Variants in SPATS2L observed in about 807,000 individuals in gnomAD.
SPATS2L encodes the protein spermatogenesis associated serine rich 2 like.
In SPATS2L, 30 loss-of-function variants were observed where a neutral mutation model predicts 59.6. That is an observed-to-expected ratio of 0.50 (90% CI 0.38 to 0.68). The LOEUF (loss-of-function observed/expected upper bound fraction) is 0.68. Among genes scored for constraint, SPATS2L ranks in the 30% least tolerant of loss-of-function variants. The probability of loss-of-function intolerance (pLI) is 0.00; values close to 1 mark genes in which losing one functional copy is unlikely to be tolerated. For missense variants in SPATS2L, 615 were observed against 700.0 expected (o/e 0.88, Z 1.37); for synonymous variants, 252 against 263.5 (o/e 0.96, Z 0.42).
chr2:200,351,712 A>ATT (rs3835863), intron 2 of SPATS2L, among the ~76,000 whole-genome samples: 3 of 151,426 alleles, frequency 2.0e-5, no homozygotes, highest in Non-Finnish European at 4.4e-5. Context: ...ATAGATTGAG[A>ATT]TTTTTTTTTG....
rs149281390 is a variant in SPATS2L at position 200,310,431 on chromosome 2, G to A, written c.-73+3509G>A. On this transcript the variant is annotated intron_variant, in intron 1 of 12. Transcript: ENST00000409140. ...TTTTCATTCTTCACTCTCCCTGATC[G>A]GATGGGAGGCCGTCAGCCATCACCG... is the stretch of plus-strand genomic sequence containing the variant. Among the ~76,000 whole-genome samples, 60 of 152,158 alleles carry A rather than the reference G, an allele frequency of 3.9e-4. No homozygotes were observed. The East Asian group carries it at 0.011, about 27-fold the overall frequency.
intron 1 of SPATS2L, among the ~76,000 whole-genome samples, chr2:200,313,718 G>A (rs2079269426): frequency 6.6e-6 from 1 of 152,130 alleles, no homozygotes; most frequent in Admixed American, 6.5e-5. Context: ...TTGAAGTACA[G>A]GTCCTCGTAC....
chr2:200,431,485 AACT>A lies in SPATS2L; in HGVS notation c.446-7633_446-7631del, dbSNP rs1393018746. Among the ~76,000 whole-genome samples, 4 of 152,344 alleles carry A rather than the reference AACT, an allele frequency of 2.6e-5. 1 individual carries two copies. In the South Asian group the frequency reaches 8.3e-4, roughly 32 times the overall value. ...TTCTTTATCAGTTTCTTCCAAATAC[AACT>A]ACTTTACAATACTTACTCAAGATCA... On this transcript the variant is annotated intron_variant, in intron 6 of 12. Transcript: ENST00000409140.
chr2:200,419,459 ACTTGAGGAAC>A lies in SPATS2L; in HGVS notation c.412_421del (p.Glu138GlnfsTer20). Reference sequence around the variant, plus strand: ...TCCCTCGTGAGAAAAAGATCTCGATACTTGAGGAACCTTCAAAGGCACTTCGTGGGGTCAC... The same window carrying A: ...TCCCTCGTGAGAAAAAGATCTCGATACTTCAAAGGCACTTCGTGGGGTCAC... On this transcript the variant is annotated frameshift_variant, in exon 6 of 13. Transcript: ENST00000409140. LOFTEE classifies it high-confidence loss of function. 6.2e-7 allele frequency: 1 copy of A among 1,613,930 alleles called. No homozygotes were observed. Among genetic ancestry groups the A allele is most frequent in the East Asian group, 2.2e-5 (1 of 44,844 alleles).
chr2:200,349,632 C>T (rs185686320), intron 2 of SPATS2L, among the ~76,000 whole-genome samples: 14 of 152,218 alleles, frequency 9.2e-5, no homozygotes, highest in South Asian at 2.1e-4. Context: ...AGCAAGACTT[C>T]GTCTCAGAAA....
rs911812826 is a variant in SPATS2L at position 200,384,042 on chromosome 2, A to G, written c.-22-5181A>G. The G allele has an allele frequency of 4.0e-6, 4 of 990,322 alleles. No individual in the cohort carries two copies. The Admixed American group carries it at 2.5e-4, about 61-fold the overall frequency. 61.3% of individuals were successfully genotyped at this position (990,322 alleles called of 1,614,324 possible). ...GGTCAGTACATTGATAGAACTTTGC[A>G]TGTTTTATGTGATTGCATTAGAAAC... On this transcript the variant is annotated intron_variant, in intron 2 of 12. Coordinates refer to ENST00000409140, the MANE Select transcript of SPATS2L (RefSeq NM_001100423.2).
chr2:200,473,146 T>G, intron 12 of SPATS2L, 94 bp downstream of exon 12: 1 of 1,244,108 alleles, frequency 8.0e-7, no homozygotes, highest in East Asian at 2.5e-5. Flanking sequence ...CTGGGCCTCC[T>G]GGGGTCACAC....
chr2:200,474,342 GTTCTTTTTTTT>G (rs1483085857), intron 12 of SPATS2L, among the ~76,000 whole-genome samples: 1 of 151,364 alleles, frequency 6.6e-6, no homozygotes, highest in Non-Finnish European at 1.5e-5. Flanking sequence ...CACAGTTTTT[GTTCTTTTTTTT>G]TTCTTTTTTT....
chr2:200,410,413 A>AAC lies in SPATS2L; in HGVS notation c.40-1897_40-1896insCA, dbSNP rs1426980915. On this transcript the variant is annotated intron_variant, in intron 3 of 12. Coordinates refer to ENST00000409140, the MANE Select transcript of SPATS2L (RefSeq NM_001100423.2). ...CAAAAACAAAACAAAACAAAACAAC[A>AAC]AAAAAAAACCCAGCTCATCAAAAGG... Among the ~76,000 whole-genome samples, 40 of 4,896 alleles carry AAC rather than the reference A, an allele frequency of 8.2e-3. No homozygotes were observed. In the Non-Finnish European group the frequency reaches 0.18, roughly 22 times the overall value. 3.2% of individuals were successfully genotyped at this position (4,896 alleles called of 152,430 possible).
chr2:200,349,441 G>A (rs1389011597), intron 2 of SPATS2L, among the ~76,000 whole-genome samples: 1 of 152,206 alleles, frequency 6.6e-6, no homozygotes, highest in Non-Finnish European at 1.5e-5. Context: ...TTTGAGACAA[G>A]ATTGACCAAC....
intron 1 of SPATS2L, among the ~76,000 whole-genome samples, chr2:200,312,131 G>A (rs1044157685): frequency 3.3e-5 from 5 of 152,140 alleles, no homozygotes; most frequent in African/African-American, 1.2e-4. Context: ...AACTGACTAT[G>A]ACACAAAGCA....
intron 10 of SPATS2L, among the ~76,000 whole-genome samples, 190 bp downstream of exon 10, chr2:200,467,589 T>C (rs2086686766): frequency 6.6e-6 from 1 of 152,168 alleles, no homozygotes; most frequent in Non-Finnish European, 1.5e-5. Flanking sequence ...GTAATGTGCT[T>C]TGAAGGAATG....
Position 200,445,485 on chromosome 2 carries a change from A to T in SPATS2L, c.788+4701A>T, listed in dbSNP as rs1266840954. Among the ~76,000 whole-genome samples, 3 of 152,310 alleles carry T rather than the reference A, an allele frequency of 2.0e-5. No homozygotes were observed. The East Asian group carries it at 5.8e-4, about 29-fold the overall frequency. ...ATCAATGTGGTCAACAGGTGGCCCC[A>T]CATACAAACCAGATGTCACCATTGA... On this transcript the variant is annotated intron_variant, in intron 8 of 12. Transcript: ENST00000409140.
chr2:200,453,428 G>A (rs960942803), intron 8 of SPATS2L, among the ~76,000 whole-genome samples: 2 of 152,234 alleles, frequency 1.3e-5, no homozygotes, highest in African/African-American at 4.8e-5. Context: ...AGAAATTGGT[G>A]AGCTGAAACC....
intron 6 of SPATS2L, among the ~76,000 whole-genome samples, chr2:200,421,370 C>T (rs537780507): frequency 6.6e-6 from 1 of 152,292 alleles, no homozygotes; most frequent in African/African-American, 2.4e-5. Context: ...ATATATGACA[C>T]ACTGCTATTC....
chr2:200,391,627 A>C (rs1368585101), intron 3 of SPATS2L, among the ~76,000 whole-genome samples: 2 of 152,198 alleles, frequency 1.3e-5, no homozygotes, highest in Admixed American at 6.5e-5. Context: ...TACATGTTTT[A>C]AAAATATCAC....
chr2:200,357,582 T>A (rs1483654392), intron 2 of SPATS2L, among the ~76,000 whole-genome samples: 2 of 152,192 alleles, frequency 1.3e-5, no homozygotes, highest in Non-Finnish European at 2.9e-5. Context: ...GATTATGGTT[T>A]TGAAAAGCCA....
At chr2:200,360,979 G>GTGTGTA (rs1280552463) in intron 2 of SPATS2L, among the ~76,000 whole-genome samples, 1 of 150,996 alleles carries the variant, frequency 6.6e-6, no homozygotes, top group Non-Finnish European at 1.5e-5. Flanking sequence ...GTGTGTGTGT[G>GTGTGTA]TGTGTGTGTG....
At chr2:200,360,175 A>G (rs924579104) in intron 2 of SPATS2L, among the ~76,000 whole-genome samples, 12 of 152,192 alleles carry the variant, frequency 7.9e-5, no homozygotes, top group African/African-American at 2.7e-4. Flanking sequence ...GTTCAGAACA[A>G]TTTCACTGGG....
Sources: gnomAD v4.1 joint callset for allele counts (sites outside exome capture counted in the v4.1 genomes callset) on GRCh38, gnomAD v4.1.1 for gene constraint, MANE v1.5 for transcripts, NCBI Gene and HGNC (gene_info 2026-07-23, HGNC 2026-07-21) for gene names.